The following COBL variants were observed in gnomAD, a reference collection of about 807,000 sequenced individuals.
COBL encodes the protein cordon-bleu WH2 repeat protein, also known as protein cordon-bleu.
COBL carries 51 observed loss-of-function variants against 98.8 expected under a neutral mutation model. The observed-to-expected ratio is 0.52, with a 90% CI of 0.41 to 0.65. The LOEUF (loss-of-function observed/expected upper bound fraction) is 0.65, where lower values mean the gene tolerates loss of function less well. COBL is among the 30% of genes least tolerant of loss of function. The probability of loss-of-function intolerance (pLI) is 0.00; values close to 1 mark genes in which losing one functional copy is unlikely to be tolerated. For missense variants in COBL, 1,617 were observed against 1,617.5 expected (o/e 1.00, Z 0.01); for synonymous variants, 634 against 651.7 (o/e 0.97, Z 0.41).
At chr7:51,061,912 G>C (rs1443122596) in intron 7 of COBL, among the ~76,000 whole-genome samples, 2 of 139,194 alleles carry the variant, frequency 1.4e-5, no homozygotes, top group South Asian at 2.3e-4. Flanking sequence ...AATTACACAA[G>C]GCCATCCCTA....
At chr7:51,063,968 C>CTGAG (rs1302954236) in intron 7 of COBL, among the ~76,000 whole-genome samples, 1 of 152,198 alleles carries the variant, frequency 6.6e-6, no homozygotes. Context: ...GACCCAAACC[C>CTGAG]TGAGTCCATG....
intron 1 of COBL, among the ~76,000 whole-genome samples, chr7:51,249,035 CATAGT>C (rs2129134324): frequency 6.6e-6 from 1 of 152,316 alleles, no homozygotes; most frequent in African/African-American, 2.4e-5. Flanking sequence ...CTAAAACAGA[CATAGT>C]ATAATTTATT....
chr7:51,265,947 G>A (rs139322870), intron 1 of COBL, among the ~76,000 whole-genome samples: 20 of 152,114 alleles, frequency 1.3e-4, no homozygotes, highest in African/African-American at 4.8e-4. Flanking sequence ...GTGATCCAGT[G>A]AATTGGCGTT....
chr7:51,171,367 T>G (rs181828294), intron 5 of COBL, among the ~76,000 whole-genome samples: 1 of 152,286 alleles, frequency 6.6e-6, no homozygotes, highest in African/African-American at 2.4e-5. Flanking sequence ...ATTTTTGGCA[T>G]GTTAGATCCT....
intron 2 of COBL, among the ~76,000 whole-genome samples, chr7:51,209,113 C>T (rs188270571): frequency 2.7e-5 from 4 of 150,760 alleles, no homozygotes; most frequent in Non-Finnish European, 4.4e-5. Flanking sequence ...CAGAGGCACT[C>T]GTTCATTCCT....
chr7:51,316,448 C>A, intron 1 of COBL, 145 bp downstream of exon 1: 1 of 529,002 alleles, frequency 1.9e-6, no homozygotes, highest in Non-Finnish European at 2.7e-6. Context: ...CCAACACCAG[C>A]ACCGCACCAC....
intron 5 of COBL, among the ~76,000 whole-genome samples, chr7:51,153,924 T>C (rs953901639): frequency 3.3e-5 from 5 of 152,040 alleles, no homozygotes; most frequent in African/African-American, 1.2e-4. Context: ...GGATGGGAGG[T>C]ACATGTAACT....
At chr7:51,184,326 C>T (rs961919217) in intron 4 of COBL, 127 bp from the exon 5 acceptor site, 8 of 560,956 alleles carry the variant, frequency 1.4e-5, no homozygotes, top group East Asian at 3.2e-5. Context: ...GAGGGAAAGC[C>T]ATCAACTATT....
chr7:51,220,141 C>G (rs1475884646), intron 1 of COBL, among the ~76,000 whole-genome samples, 197 bp from the exon 2 acceptor site: 2 of 152,176 alleles, frequency 1.3e-5, no homozygotes, highest in African/African-American at 4.8e-5. Flanking sequence ...TAAAAGGAAG[C>G]ATTCCCGGAA....
At chr7:51,224,316 C>T (rs77711082) in intron 1 of COBL, among the ~76,000 whole-genome samples, 119 of 152,248 alleles carry the variant, frequency 7.8e-4, no homozygotes, top group African/African-American at 2.5e-3. Context: ...ATACATAGTT[C>T]CTGCTTACAA....
At chr7:51,054,746 C>T (rs1290868444) in intron 7 of COBL, among the ~76,000 whole-genome samples, 8 of 152,320 alleles carry the variant, frequency 5.3e-5, no homozygotes, top group African/African-American at 1.4e-4. Flanking sequence ...TTCTGTGCAA[C>T]ACAAAGCTTG....
chr7:51,017,060 C>G lies in COBL; in HGVS notation c.*491G>C. ...CCTCCCAATTTTTTTTTCTTACTACCAAAACACACAGCATCATGGAGCATA... is the reference window on the plus strand; with the variant it reads ...CCTCCCAATTTTTTTTTCTTACTACGAAAACACACAGCATCATGGAGCATA... On this transcript the variant is annotated 3_prime_UTR_variant, in exon 13 of 13. Transcript: ENST00000265136. 1 of 402,238 alleles carries G rather than the reference C, an allele frequency of 2.5e-6. No homozygotes were observed. Among genetic ancestry groups the G allele is most frequent in the Non-Finnish European group, 4.4e-6 (1 of 228,454 alleles). 24.9% of individuals were successfully genotyped at this position (402,238 alleles called of 1,614,324 possible).
chr7:51,313,429 A>G (rs1405189359), intron 1 of COBL, among the ~76,000 whole-genome samples: 3 of 152,224 alleles, frequency 2.0e-5, no homozygotes, highest in Non-Finnish European at 2.9e-5. Context: ...TAATAACTTG[A>G]TTAAATAAAT....
At chr7:51,017,632 G>A (rs1407088736) in intron 12 of COBL, 64 bp from the exon 13 acceptor site, 2 of 1,547,018 alleles carry the variant, frequency 1.3e-6, no homozygotes, top group African/African-American at 2.7e-5. Flanking sequence ...AGATCTTCTG[G>A]TGCTAGAGAG....
At chr7:51,085,087 CAGG>C (rs1794071033) in intron 7 of COBL, 76 bp downstream of exon 7, 12 of 1,603,634 alleles carry the variant, frequency 7.5e-6, no homozygotes, top group Non-Finnish European at 1.0e-5. Context: ...GAGGCCACTG[CAGG>C]AGTTCACATC....
chr7:51,229,488 G>T (rs867858282), intron 1 of COBL, among the ~76,000 whole-genome samples: 1 of 152,148 alleles, frequency 6.6e-6, no homozygotes, highest in Non-Finnish European at 1.5e-5. Flanking sequence ...AGGTGCATTC[G>T]TCCACCACCT....
intron 6 of COBL, among the ~76,000 whole-genome samples, chr7:51,118,020 C>A (rs1797428974): frequency 6.6e-6 from 1 of 152,150 alleles, no homozygotes; most frequent in East Asian, 1.9e-4. Flanking sequence ...AATTTATCCA[C>A]AGAATTTATG....
At chr7:51,094,260 A>G (rs1025961759) in intron 6 of COBL, among the ~76,000 whole-genome samples, 3 of 152,032 alleles carry the variant, frequency 2.0e-5, no homozygotes, top group Non-Finnish European at 2.9e-5. Flanking sequence ...GACATTGGTT[A>G]AAGGGTGCCA....
chr7:51,147,444 G>C (rs1196318878), intron 5 of COBL, among the ~76,000 whole-genome samples: 1 of 152,164 alleles, frequency 6.6e-6, no homozygotes, highest in Admixed American at 6.5e-5. Context: ...AAGGAGACAG[G>C]GTCATTTATA....
Sources: allele counts gnomAD v4.1 joint callset (sites outside exome capture counted in the v4.1 genomes callset), GRCh38; gene constraint gnomAD v4.1.1; transcripts MANE v1.5; gene names NCBI Gene and HGNC (gene_info 2026-07-23, HGNC 2026-07-21).